The following PATZ1 variants were observed in gnomAD, a reference collection of about 807,000 sequenced individuals.
The protein encoded by PATZ1 is POZ-, AT hook-, and zinc finger-containing protein 1.
A neutral mutation model predicts 46.2 loss-of-function variants in PATZ1; 9 were observed. The ratio of observed to expected loss-of-function variants is 0.19; its 90% CI spans 0.12 to 0.34. The LOEUF (loss-of-function observed/expected upper bound fraction) is 0.34, where lower values mean the gene tolerates loss of function less well. PATZ1 is among the 10% of genes least tolerant of loss of function. The pLI, the probability that PATZ1 is intolerant of heterozygous loss-of-function variation, is 1.00. For synonymous variants in PATZ1, 426 were observed against 378.6 expected (o/e 1.13, Z -1.45); for missense variants, 632 against 923.0 (o/e 0.68, Z 4.08).
Position 31,326,234 on chromosome 22 carries a change from A to G in PATZ1, c.*657T>C, listed in dbSNP as rs1302763347. On this transcript the variant is annotated 3_prime_UTR_variant, in exon 5 of 5. Coordinates refer to ENST00000266269, the MANE Select transcript of PATZ1 (RefSeq NM_014323.3). The stretch of plus-strand genomic sequence containing the variant: ...GCATGTTGAATGGTTAAAATCACGT[A>G]AGAACTGAAATTTGGGGTGGGGGTG... The G allele has an allele frequency of 1.3e-5, 3 of 226,900 alleles. No homozygotes were observed. The highest frequency in any genetic ancestry group is 6.7e-5 in the African/African-American group (3 of 44,988). The allele number at this position is 226,900 out of a possible 1,614,324, so 14.1% of individuals were successfully genotyped here. A position where few individuals can be genotyped will look rare whatever the true frequency, so the allele number is the denominator to read the frequency against.
intron 2 of PATZ1, 136 bp from the exon 3 acceptor site, chr22:31,335,999 G>A (rs760760719): frequency 3.4e-5 from 26 of 765,308 alleles, no homozygotes; most frequent in African/African-American, 7.0e-5. Context: ...TTAGAGTTTG[G>A]CTCAGGCTCC....
At position 31,344,406 on chromosome 22, in the gene PATZ1, G is replaced by A. The variant is rs1225706923; in HGVS notation, c.1197C>T (p.Ser399=). 6.2e-7 allele frequency: 1 copy of A among 1,614,068 alleles called. No homozygotes were observed. The highest frequency in any genetic ancestry group is 1.7e-5 in the Admixed American group (1 of 60,012). ...ACCCATCATGGGACCGCACATGGTA[G>A]GACATGCGGTCTTTTCTCTTGAACC... The part of the protein sequence containing the change: ...GLRFKRKDRM[S]YHVRSHDGSV... The change falls in exon 1 of 5, where the codon TCC becomes TCT. Residue 399 remains serine, a synonymous_variant. Transcript: ENST00000266269.
In PATZ1 at chr22:31,345,768, G is replaced by T. The variant is rs1315235703; in HGVS notation, c.-166C>A. ...GCCGAGTGTACACGCCCCCAGCCCG[G>T]ATCAGACTGTCTAGACTGCGGGGTG... is the stretch of plus-strand genomic sequence containing the variant. On this transcript the variant is annotated 5_prime_UTR_variant, in exon 1 of 5. Coordinates refer to ENST00000266269, the MANE Select transcript of PATZ1 (RefSeq NM_014323.3). This position sits in a 1 kb window ranked among gnomAD's most constrained non-coding sequence, Gnocchi z 7.4. 1.5e-6 allele frequency: 1 copy of T among 678,258 alleles called. No homozygotes were observed. The highest frequency in any genetic ancestry group is 1.8e-5 in the African/African-American group (1 of 54,406). 42.0% of individuals were successfully genotyped at this position (678,258 alleles called of 1,614,324 possible).
At chr22:31,343,331 T>C in intron 1 of PATZ1, 1 of 1,003,342 alleles carries the variant, frequency 1.0e-6, no homozygotes. Context: ...TTGTCCAGAC[T>C]AAAGCCCCTT....
chr22:31,341,414 AG>A (rs1373751447), intron 2 of PATZ1: 1 of 1,546,372 alleles, frequency 6.5e-7, no homozygotes. Context: ...GCTAGCCAAC[AG>A]GCCACTGGGT....
chr22:31,331,622 G>A (rs962425756), intron 3 of PATZ1, among the ~76,000 whole-genome samples: 1 of 152,200 alleles, frequency 6.6e-6, no homozygotes, highest in Admixed American at 6.5e-5. Flanking sequence ...GATTACAGGC[G>A]TGAGCCACCG....
intron 2 of PATZ1, chr22:31,341,580 G>C: frequency 6.2e-7 from 1 of 1,614,158 alleles, no homozygotes; most frequent in South Asian, 1.1e-5. Context: ...GTCAGGAACC[G>C]AATGGGACGA....
intron 2 of PATZ1, chr22:31,340,551 G>A (rs1239873545): frequency 2.8e-6 from 1 of 351,280 alleles, no homozygotes; most frequent in African/African-American, 2.2e-5. Flanking sequence ...TAGGGCTGGA[G>A]GAGGGGCCAG....
intron 2 of PATZ1, chr22:31,337,583 C>G (rs2049527503): frequency 6.6e-6 from 1 of 152,186 alleles, no homozygotes; most frequent in Non-Finnish European, 1.5e-5. Context: ...GGCTTTCAAG[C>G]TATTTTGGTT....
intron 2 of PATZ1, among the ~76,000 whole-genome samples, chr22:31,340,494 A>C (rs969742996): frequency 6.6e-6 from 1 of 152,128 alleles, no homozygotes; most frequent in Admixed American, 6.5e-5. Context: ...AGAGCAAGAG[A>C]GCCAGCATGT....
intron 1 of PATZ1, chr22:31,343,171 G>A (rs1404172890): frequency 1.5e-6 from 2 of 1,304,674 alleles, no homozygotes; most frequent in Non-Finnish European, 2.0e-6. Context: ...GAGGGGGGAA[G>A]AGAAATGGGC....
At chr22:31,342,820 AGCGGCTGGCTCAAGGCT>A in intron 2 of PATZ1, 60 bp downstream of exon 2, 2 of 1,527,020 alleles carry the variant, frequency 1.3e-6, no homozygotes, top group Non-Finnish European at 1.8e-6. Context: ...CGGCACACGC[AGCGGCTGGCTCAAGGCT>A]GCGACCGTGA....
At position 31,345,595 on chromosome 22, in the gene PATZ1, C is replaced by G. The variant is rs779325614; in HGVS notation, c.8G>C (p.Arg3Pro). The change falls in exon 1 of 5, where the codon CGG (arginine) becomes CCG (proline). Residue 3 changes from arginine (R) to proline (P), a missense_variant. Transcript: ENST00000266269. The surrounding 1 kb of genome is among the most constrained non-coding windows in gnomAD (Gnocchi z 7.4). ME[R>P]VNDASCGPSG... ...CGGGCCGCACGAAGCGTCGTTCACC[C>G]GCTCCATGGCCGCCGCCCCCTCCCA... The G allele has an allele frequency of 5.0e-6, 8 of 1,589,000 alleles. No individual in the cohort carries two copies. Among genetic ancestry groups the G allele is most frequent in the African/African-American group, 1.3e-5 (1 of 74,446 alleles).
At chr22:31,335,635 C>T in intron 3 of PATZ1, 57 bp downstream of exon 3, 1 of 1,541,410 alleles carries the variant, frequency 6.5e-7, no homozygotes, top group South Asian at 1.2e-5. Flanking sequence ...CACCCCTAGG[C>T]CTCCCATACA....
chr22:31,341,320 G>A, intron 2 of PATZ1: 1 of 1,496,302 alleles, frequency 6.7e-7, no homozygotes, highest in South Asian at 1.4e-5. Context: ...GAACCACCCT[G>A]CTAGCCTCTC....
intron 1 of PATZ1, chr22:31,343,207 C>T: frequency 7.9e-7 from 1 of 1,262,024 alleles, no homozygotes; most frequent in East Asian, 3.5e-5. Context: ...TGCCTCCCCA[C>T]TCCCTCAATT....
chr22:31,344,963 G>T lies in PATZ1; in HGVS notation c.640C>A (p.Arg214=). The T allele has an allele frequency of 6.2e-7, 1 of 1,613,774 alleles. No individual in the cohort carries two copies. The highest frequency in any genetic ancestry group is 8.5e-7 in the Non-Finnish European group (1 of 1,180,040). The part of the protein sequence containing the change: ...GSMQPEEEAA[R]AAGAAIAGQA... ...CCTGCAATGGCTGCACCAGCCGCCC[G>T]AGCTGCCTCCTCCTCTGGCTGCATG... The change falls in exon 1 of 5, where the codon CGG becomes AGG. Residue 214 remains arginine (R), a synonymous_variant. Coordinates refer to ENST00000266269, the MANE Select transcript of PATZ1 (RefSeq NM_014323.3).
chr22:31,344,613 C>T lies in PATZ1; in HGVS notation c.990G>A (p.Arg330=), dbSNP rs201313815. 3.0e-5 allele frequency: 48 copies of T among 1,614,030 alleles called. No homozygotes were observed. The highest frequency in any genetic ancestry group is 3.7e-5 in the Non-Finnish European group (44 of 1,180,054). The change falls in exon 1 of 5, where the codon AGG becomes AGA. Residue 330 remains arginine (R), a synonymous_variant. Coordinates refer to ENST00000266269, the MANE Select transcript of PATZ1 (RefSeq NM_014323.3). ...QLGYIDLPPP[R]LGENGLPISE... ...AGATGGGTAGCCCATTCTCACCCAG[C>T]CTCGGAGGAGGAAGGTCGATGTAGC...
rs921934050 is a variant in PATZ1, at chr22:31,346,237, G to GGGC, written c.-638_-636dup. ...GGCGGCGGCGGCGGCTGGAGCGGGC[G>GGGC]GGCGGCGGCGGCGGCAGAGTAGGCC... is the stretch of plus-strand genomic sequence containing the variant. On this transcript the variant is annotated 5_prime_UTR_variant, in exon 1 of 5. Transcript: ENST00000266269. 642 of 155,136 alleles carry GGGC rather than the reference G, an allele frequency of 4.1e-3. 6 individuals carry two copies. Among genetic ancestry groups the GGGC allele is most frequent in the African/African-American group, 0.014 (590 of 40,914 alleles). The allele number at this position is 155,136 out of a possible 1,614,324, so 9.6% of individuals were successfully genotyped here. A position where few individuals can be genotyped will look rare whatever the true frequency, so the allele number is the denominator to read the frequency against.
Sources: gnomAD v4.1 joint callset for allele counts (sites outside exome capture counted in the v4.1 genomes callset) on GRCh38, gnomAD v4.1.1 for gene constraint, Gnocchi (gnomAD v3.1) non-coding constraint, MANE v1.5 for transcripts, NCBI Gene and HGNC (gene_info 2026-07-23, HGNC 2026-07-21) for gene names.